The following GET1 variants were observed in gnomAD, a reference collection of about 807,000 sequenced individuals.
GET1 encodes the protein congenital heart disease 5 protein.
A neutral mutation model predicts 22.6 loss-of-function variants in GET1; 20 were observed. The ratio of observed to expected loss-of-function variants is 0.89; its 90% CI spans 0.62 to 1.29. The LOEUF (loss-of-function observed/expected upper bound fraction) is 1.29. Among genes scored for constraint, GET1 ranks in the 50% most tolerant of loss-of-function variants. The probability of loss-of-function intolerance (pLI) is 0.00; values close to 1 mark genes in which losing one functional copy is unlikely to be tolerated. For missense variants in GET1, 209 were observed against 219.9 expected (o/e 0.95, Z 0.31); for synonymous variants, 92 against 83.8 (o/e 1.10, Z -0.53).
downstream of GET1, among the ~76,000 whole-genome samples, chr21:39,402,223 C>G (rs1246289859): frequency 6.6e-6 from 1 of 152,146 alleles, no homozygotes; most frequent in Non-Finnish European, 1.5e-5. Flanking sequence ...CCTGCCTCAG[C>G]CTCCCGAGTA....
At chr21:39,387,071 C>T (rs2037954327) in intron 1 of GET1, among the ~76,000 whole-genome samples, 1 of 152,162 alleles carries the variant, frequency 6.6e-6, no homozygotes, top group Admixed American at 6.5e-5. Context: ...TGTTGCCCCG[C>T]CTGGTCTCGA....
intron 1 of GET1, chr21:39,413,985 G>GAGCAGA (rs1569074563): frequency 1.3e-5 from 2 of 152,272 alleles, no homozygotes; most frequent in African/African-American, 4.8e-5. Context: ...TCCTCCTTGC[G>GAGCAGA]GCTTGGAGCA....
At chr21:39,402,479 C>T (rs144721778), downstream of GET1, among the ~76,000 whole-genome samples, 21 of 152,316 alleles carry the variant, frequency 1.4e-4, no homozygotes, top group African/African-American at 3.1e-4. Flanking sequence ...GTATGGAAAA[C>T]GGACCCCCTA....
intron 1 of GET1, chr21:39,423,370 A>C (rs1169807434): frequency 6.2e-7 from 1 of 1,612,344 alleles, no homozygotes; most frequent in Non-Finnish European, 8.5e-7. Flanking sequence ...AATTTTATGA[A>C]GCCTTGCTGA....
In GET1 at chr21:39,387,686, C is replaced by T. The variant is rs1411792243; in HGVS notation, c.103-3012C>T. On this transcript the variant is annotated intron_variant, in intron 1 of 4. Transcript: ENST00000649170. ...AGACCCCTCCACCCCCCCTACTCCC[C>T]ACACTCCCCCCCCCCACTTTTGCCT... 1.1e-5 allele frequency: 7 copies of T among 636,252 alleles called. No individual in the cohort carries two copies. The South Asian group carries it at 3.5e-4, about 31-fold the overall frequency. 39.4% of individuals were successfully genotyped at this position (636,252 alleles called of 1,614,324 possible).
intron 4 of GET1, 149 bp from the exon 5 acceptor site, chr21:39,396,717 T>C: frequency 1.6e-6 from 1 of 621,634 alleles, no homozygotes. Flanking sequence ...AAGTGACAAA[T>C]TTGAACCTAT....
In GET1 at chr21:39,394,146, A is replaced by T. The variant is rs2038488158; in HGVS notation, c.451+866A>T. ...GGAGTTTGAGACCAGCCTGGCCAACATGGTGAAACCCTATCTCTACTAAAA... is the reference window on the plus strand; with the variant it reads ...GGAGTTTGAGACCAGCCTGGCCAACTTGGTGAAACCCTATCTCTACTAAAA... On this transcript the variant is annotated intron_variant, in intron 4 of 4. Transcript: ENST00000649170. 2.0e-5 allele frequency among the ~76,000 whole-genome samples: 3 copies of T among 152,118 alleles called. No individual in the cohort carries two copies. In the South Asian group the frequency reaches 6.2e-4, roughly 32 times the overall value.
chr21:39,380,552 C>T lies in GET1; in HGVS notation c.102+66C>T. On this transcript the variant is annotated intron_variant, in intron 1 of 4. Coordinates refer to ENST00000649170, the MANE Select transcript of GET1 (RefSeq NM_004627.6). Reference sequence around the variant, plus strand: ...CGCCCCAGTCCCCCGGCGGGTCTGGCGTAGGTACAGGGGTCTCAACTGGGC... The same window carrying T: ...CGCCCCAGTCCCCCGGCGGGTCTGGTGTAGGTACAGGGGTCTCAACTGGGC... 1.9e-6 allele frequency: 3 copies of T among 1,561,900 alleles called. No individual in the cohort carries two copies. The African/African-American group carries it at 4.1e-5, about 21-fold the overall frequency.
At chr21:39,392,013 G>A (rs1601624626) in intron 3 of GET1, 177 bp downstream of exon 3, 1 of 598,454 alleles carries the variant, frequency 1.7e-6, no homozygotes, top group South Asian at 2.0e-5. Context: ...CTAAAAGGAA[G>A]CCTTTCTCTT....
At chr21:39,424,089 T>C (rs993913081) in intron 1 of GET1, among the ~76,000 whole-genome samples, 11 of 152,156 alleles carry the variant, frequency 7.2e-5, no homozygotes, top group Non-Finnish European at 1.6e-4. Context: ...CTTGGCTCAC[T>C]GCAACCTCTG....
chr21:39,419,644 G>C (rs1348640641), intron 1 of GET1, among the ~76,000 whole-genome samples: 1 of 152,134 alleles, frequency 6.6e-6, no homozygotes, highest in East Asian at 1.9e-4. Flanking sequence ...CTTTTGGGAG[G>C]TGATTAGGTC....
At chr21:39,398,519 T>A (rs1194662751), downstream of GET1, among the ~76,000 whole-genome samples, 1 of 152,134 alleles carries the variant, frequency 6.6e-6, no homozygotes, top group African/African-American at 2.4e-5. Flanking sequence ...CTATTAACTT[T>A]CCCCATGCGT....
chr21:39,389,435 A>G (rs2038151667), intron 1 of GET1, among the ~76,000 whole-genome samples: 1 of 152,120 alleles, frequency 6.6e-6, no homozygotes, highest in African/African-American at 2.4e-5. Context: ...CCGAGCCACC[A>G]TGCCAGGCTG....
At chr21:39,402,249 G>A (rs372599250), downstream of GET1, among the ~76,000 whole-genome samples, 8 of 152,104 alleles carry the variant, frequency 5.3e-5, no homozygotes, top group South Asian at 2.1e-4. Context: ...GATTACAGGC[G>A]TGCACGACCA....
Position 39,403,603 on chromosome 21 carries a change from G to A in GET1, c.350-2311G>A, listed in dbSNP as rs190557389. Among the ~76,000 whole-genome samples the A allele has an allele frequency of 1.4e-3, 202 of 147,368 alleles. 1 individual carries two copies. The highest frequency in any genetic ancestry group is 4.6e-3 in the African/African-American group (184 of 40,300). On this transcript the variant is annotated intron_variant, in intron 4 of 4. Coordinates refer to the GET1 transcript ENST00000415847. ...TCCCAAAGTGCTGGGGTGAGCCACC[G>A]CTCCCGGTCTACTATTTTTATTTTT...
At chr21:39,388,782 C>T (rs2038096292) in intron 1 of GET1, among the ~76,000 whole-genome samples, 1 of 152,178 alleles carries the variant, frequency 6.6e-6, no homozygotes, top group Non-Finnish European at 1.5e-5. Flanking sequence ...CTCCGTTGCG[C>T]TCCAGTCACC....
intron 1 of GET1, among the ~76,000 whole-genome samples, chr21:39,384,862 C>G (rs2146922165): frequency 6.6e-6 from 1 of 152,198 alleles, no homozygotes; most frequent in South Asian, 2.1e-4. Context: ...AGTTAGCTTT[C>G]CTAAACCCAT....
At chr21:39,389,839 T>G (rs2038177801) in intron 1 of GET1, among the ~76,000 whole-genome samples, 1 of 152,184 alleles carries the variant, frequency 6.6e-6, no homozygotes, top group African/African-American at 2.4e-5. Flanking sequence ...CTCTGCCCCG[T>G]CTAATCTAGG....
At chr21:39,410,143 A>G (rs1308291750), downstream of GET1, 1 of 1,372,674 alleles carries the variant, frequency 7.3e-7, no homozygotes, top group South Asian at 1.2e-5. Context: ...GGGTCTAGAT[A>G]ACTTAAAATT....
Sources: allele counts gnomAD v4.1 joint callset (sites outside exome capture counted in the v4.1 genomes callset), GRCh38; gene constraint gnomAD v4.1.1; transcripts MANE v1.5; gene names NCBI Gene and HGNC (gene_info 2026-07-23, HGNC 2026-07-21).